The following SIRPG variants were observed in gnomAD, a reference collection of about 807,000 sequenced individuals.
The protein encoded by SIRPG is signal regulatory protein gamma.
In SIRPG, 38 loss-of-function variants were observed where a neutral mutation model predicts 35.7. That is an observed-to-expected ratio of 1.06 (90% CI 0.82 to 1.40). The LOEUF (loss-of-function observed/expected upper bound fraction) is 1.40, where lower values mean the gene tolerates loss of function less well. SIRPG is among the 40% of genes most tolerant of loss of function. The pLI is 0.00. For missense variants in SIRPG, 519 were observed against 483.0 expected, an observed-to-expected ratio of 1.07 and a Z score of -0.70; for synonymous variants, 215 against 190.4, an observed-to-expected ratio of 1.13 and a Z score of -1.06.
At chr20:1,642,821 C>T (rs1322220181) in intron 2 of SIRPG, among the ~76,000 whole-genome samples, 4 of 152,178 alleles carry the variant, frequency 2.6e-5, no homozygotes, top group South Asian at 4.1e-4. Context: ...TTCTCCTTCA[C>T]ATATGAAGCT....
chr20:1,656,721 C>T (rs2091978420), intron 1 of SIRPG, among the ~76,000 whole-genome samples: 1 of 152,108 alleles, frequency 6.6e-6, no homozygotes. Context: ...AATAAATTCT[C>T]CAGAGGAAAG....
the SIRPG span, among the ~76,000 whole-genome samples, chr20:1,665,048 G>A: frequency 9.2e-5 from 14 of 152,148 alleles, no homozygotes; most frequent in East Asian, 3.9e-4. Flanking sequence ...CTAAGGCACC[G>A]TGGACACCTT....
chr20:1,657,259 G>A (rs2091981135), intron 1 of SIRPG, among the ~76,000 whole-genome samples: 1 of 152,184 alleles, frequency 6.6e-6, no homozygotes, highest in African/African-American at 2.4e-5. Flanking sequence ...CTTTGTTGTG[G>A]AAGCCCTAAG....
At chr20:1,654,628 C>T (rs920657892) in intron 1 of SIRPG, among the ~76,000 whole-genome samples, 1 of 152,114 alleles carries the variant, frequency 6.6e-6, no homozygotes, top group Non-Finnish European at 1.5e-5. Flanking sequence ...CTTGGCAATA[C>T]ATTTTTGGAT....
upstream of SIRPG, among the ~76,000 whole-genome samples, chr20:1,660,295 G>T (rs767990690): frequency 4.6e-5 from 7 of 152,070 alleles, no homozygotes; most frequent in Non-Finnish European, 8.8e-5. Context: ...TAGTAAGCTG[G>T]GTGATTATGT....
intron 1 of SIRPG, among the ~76,000 whole-genome samples, chr20:1,651,882 C>A (rs779940060): frequency 1.3e-4 from 20 of 152,100 alleles, no homozygotes; most frequent in Admixed American, 2.6e-4. Context: ...GTTATAGCAA[C>A]CTCTTCAAAG....
chr20:1,630,085 T>A (rs1169561644), intron 5 of SIRPG, 137 bp downstream of exon 5: 1 of 673,880 alleles, frequency 1.5e-6, no homozygotes, highest in African/African-American at 1.8e-5. Context: ...TTTTAAAGGG[T>A]TCCCCAAGAC....
chr20:1,654,344 A>T (rs746157087), intron 1 of SIRPG, among the ~76,000 whole-genome samples: 29 of 152,156 alleles, frequency 1.9e-4, no homozygotes, highest in Non-Finnish European at 3.4e-4. Flanking sequence ...ATAAAAAGAG[A>T]TATATAGACC....
intron 2 of SIRPG, among the ~76,000 whole-genome samples, chr20:1,643,578 G>C (rs187304112): frequency 1.3e-5 from 2 of 152,076 alleles, no homozygotes; most frequent in Admixed American, 6.5e-5. Flanking sequence ...CCGTCAATTC[G>C]TCCATTTCCT....
chr20:1,653,053 C>G (rs2091951850), intron 1 of SIRPG, among the ~76,000 whole-genome samples: 2 of 152,294 alleles, frequency 1.3e-5, no homozygotes, highest in African/African-American at 4.8e-5. Flanking sequence ...GAAAAAAAAT[C>G]AGTTTGCAAA....
At position 1,637,870 on chromosome 20, in the gene SIRPG, C is replaced by T. The variant is rs1220345871; in HGVS notation, c.431-1365G>A. The T allele has an allele frequency of 2.0e-5, 3 of 152,174 alleles. No homozygotes were observed. In the East Asian group the frequency reaches 5.8e-4, roughly 29 times the overall value. The allele number at this position is 152,174 out of a possible 1,614,324, so 9.4% of individuals were successfully genotyped here. A position where few individuals can be genotyped will look rare whatever the true frequency, so the allele number is the denominator to read the frequency against. ...AATCAGAAAAATGAGGGTAGTTTCT[C>T]CCTGTAGATGAGTCCTAAACGTGTC... On this transcript the variant is annotated intron_variant, in intron 2 of 5. Coordinates refer to ENST00000303415, the MANE Select transcript of SIRPG (RefSeq NM_018556.4).
At chr20:1,665,095 C>T in the SIRPG span, among the ~76,000 whole-genome samples, 1 of 152,158 alleles carries the variant, frequency 6.6e-6, no homozygotes, top group African/African-American at 2.4e-5. Context: ...CTGCAGCACC[C>T]ACACACTTCC....
chr20:1,660,216 G>A (rs557389918), upstream of SIRPG, among the ~76,000 whole-genome samples: 70 of 152,126 alleles, frequency 4.6e-4, no homozygotes, highest in Admixed American at 1.2e-3. Context: ...CATAATCAGT[G>A]CTGAAATTTT....
At chr20:1,666,945 T>C in the SIRPG span, among the ~76,000 whole-genome samples, 1 of 152,134 alleles carries the variant, frequency 6.6e-6, no homozygotes, top group Non-Finnish European at 1.5e-5. Flanking sequence ...AGAGACTTGC[T>C]CTGTTGCCCA....
the SIRPG span, among the ~76,000 whole-genome samples, chr20:1,674,164 A>G: frequency 6.6e-6 from 1 of 152,302 alleles, no homozygotes; most frequent in Non-Finnish European, 1.5e-5. Context: ...GGCTCATGTC[A>G]GACCAATTAA....
At chr20:1,684,303 T>C in the SIRPG span, among the ~76,000 whole-genome samples, 7 of 152,152 alleles carry the variant, frequency 4.6e-5, no homozygotes, top group African/African-American at 4.8e-5. Context: ...AAAAATAAAA[T>C]ACATTTCTTT....
chr20:1,636,258 G>A lies in SIRPG; in HGVS notation c.678C>T (p.Cys226=), dbSNP rs754758888. Residue 226 remains cysteine (C), a synonymous_variant, in exon 3 of 6, where the codon TGC becomes TGT. Coordinates refer to ENST00000303415, the MANE Select transcript of SIRPG (RefSeq NM_018556.4). Reference sequence around the variant, plus strand: ...CCTGCAAGGTGACATGGGCCACCTCGCAGATGACCTGAGAGCGAACGTCCC... The same window carrying A: ...CCTGCAAGGTGACATGGGCCACCTCACAGATGACCTGAGAGCGAACGTCCC... The part of the protein sequence containing the change: ...DPWDVRSQVI[C]EVAHVTLQGD... 111 of 1,614,062 alleles carry A rather than the reference G, an allele frequency of 6.9e-5. No individual in the cohort carries two copies. In the South Asian group the frequency reaches 1.0e-3, roughly 15 times the overall value.
chr20:1,658,471 C>T (rs76691377), upstream of SIRPG, among the ~76,000 whole-genome samples: 2,009 of 152,068 alleles, frequency 0.013, 66 homozygotes, highest in African/African-American at 0.045. Context: ...CTGGGGCCGT[C>T]GCATCAATTT....
At chr20:1,678,294 A>C in the SIRPG span, among the ~76,000 whole-genome samples, 1 of 152,214 alleles carries the variant, frequency 6.6e-6, no homozygotes, top group Non-Finnish European at 1.5e-5. Flanking sequence ...CACTGTCTTC[A>C]ACACGTTCAA....
Sources: allele counts gnomAD v4.1 joint callset (sites outside exome capture counted in the v4.1 genomes callset), GRCh38; gene constraint gnomAD v4.1.1; transcripts MANE v1.5; gene names NCBI Gene and HGNC (gene_info 2026-07-23, HGNC 2026-07-21).